Variants in LLGL2 observed in about 807,000 individuals in gnomAD.
The protein encoded by LLGL2 is LLGL2, scribble cell polarity complex component.
A neutral mutation model predicts 123.2 loss-of-function variants in LLGL2; 81 were observed. That is an observed-to-expected ratio of 0.66 (90% CI 0.55 to 0.79). The LOEUF (loss-of-function observed/expected upper bound fraction) is 0.79. LLGL2 is among the 30% of genes least tolerant of loss of function. LLGL2 has a pLI of 0.00. For missense variants in LLGL2, 1,273 were observed against 1,414.6 expected, an observed-to-expected ratio of 0.90 and a Z score of 1.61; for synonymous variants, 577 against 594.1, an observed-to-expected ratio of 0.97 and a Z score of 0.42.
upstream of LLGL2, among the ~76,000 whole-genome samples, chr17:75,525,510 C>G (rs1374864639): frequency 6.6e-6 from 1 of 151,468 alleles, no homozygotes; most frequent in South Asian, 2.1e-4. The surrounding 1 kb of genome is among the most constrained non-coding windows in gnomAD (Gnocchi z 4.8). Flanking sequence ...CCTGCGGAAC[C>G]CCGAGGCCGT....
intron 1 of LLGL2, among the ~76,000 whole-genome samples, chr17:75,536,722 C>T (rs1024459693): frequency 7.9e-5 from 12 of 152,194 alleles, no homozygotes; most frequent in South Asian, 6.2e-4. Context: ...ATAACCCTTC[C>T]GAGTACATTG....
At chr17:75,541,341 A>G (rs1204318698) in intron 1 of LLGL2, among the ~76,000 whole-genome samples, 1 of 152,210 alleles carries the variant, frequency 6.6e-6, no homozygotes. Flanking sequence ...TGAGCCCTCC[A>G]GGAGTCCAAC....
intron 1 of LLGL2, 23 bp from the exon 2 acceptor site, chr17:75,543,374 T>C: frequency 6.4e-7 from 1 of 1,551,004 alleles, no homozygotes; most frequent in Non-Finnish European, 8.8e-7. Context: ...GACAGACCCC[T>C]GCAGCTCCTT....
intron 1 of LLGL2, among the ~76,000 whole-genome samples, chr17:75,528,686 C>T (rs773470769): frequency 6.6e-6 from 1 of 151,464 alleles, no homozygotes; most frequent in Admixed American, 6.6e-5. Flanking sequence ...TGCGGTGAGC[C>T]AAGATCACGC....
intron 2 of LLGL2, among the ~76,000 whole-genome samples, chr17:75,550,795 A>AC (rs1009480052): frequency 2.0e-5 from 3 of 150,654 alleles, no homozygotes; most frequent in East Asian, 1.9e-4. Flanking sequence ...AAAAAAAAAA[A>AC]AAAAAAAAAC....
At chr17:75,571,128 C>G in intron 17 of LLGL2, 28 bp downstream of exon 17, 6 of 1,523,170 alleles carry the variant, frequency 3.9e-6, no homozygotes, top group East Asian at 2.3e-5. Context: ...GGTTGGGGGG[C>G]AGGGGGTAGT....
At chr17:75,560,826 AAAAAAACAAAG>A (rs1568056180) in intron 6 of LLGL2, among the ~76,000 whole-genome samples, 3 of 98,030 alleles carry the variant, frequency 3.1e-5, no homozygotes, top group South Asian at 2.5e-4. Context: ...AAAAAAAAAA[AAAAAAACAAAG>A]AAAAAACATT....
intron 10 of LLGL2, chr17:75,568,110 GGA>G: frequency 8.6e-7 from 1 of 1,164,036 alleles, no homozygotes; most frequent in Non-Finnish European, 1.1e-6. Context: ...CTGCCTGTGG[GGA>G]GAGGCTTGAC....
chr17:75,546,567 C>T (rs952603706), intron 2 of LLGL2, among the ~76,000 whole-genome samples: 1 of 55,464 alleles, frequency 1.8e-5, no homozygotes, highest in Non-Finnish European at 5.3e-5. Flanking sequence ...AGCAGACAGG[C>T]GGAGGGCAGG....
In LLGL2 at chr17:75,559,276, C is replaced by T; in HGVS notation, c.396C>T (p.Ile132=). ...GGGCTGCCCCCAGTGCCACACAGAT[C>T]ACCGTGGTCCTGCCACATTCCTCCT... ...PPGAAPSATQ[I]TVVLPHSSCE... The change falls in exon 6 of 26, where the codon ATC becomes ATT. Residue 132 remains isoleucine, a synonymous_variant. Coordinates refer to ENST00000392550, the MANE Select transcript of LLGL2 (RefSeq NM_001031803.2). The surrounding 1 kb of genome is among the most constrained non-coding windows in gnomAD (Gnocchi z 4.6). 7 of 1,610,686 alleles carry T rather than the reference C, an allele frequency of 4.3e-6. No homozygotes were observed. Among genetic ancestry groups the T allele is most frequent in the Non-Finnish European group, 5.9e-6 (7 of 1,178,754 alleles).
In LLGL2 at chr17:75,559,303, C is replaced by T. The variant is rs200779141; in HGVS notation, c.423C>T (p.Cys141=). 13 of 1,613,076 alleles carry T rather than the reference C, an allele frequency of 8.1e-6. No homozygotes were observed. Among genetic ancestry groups the T allele is most frequent in the African/African-American group, 2.7e-5 (2 of 74,898 alleles). Reference sequence around the variant, plus strand: ...CCGTGGTCCTGCCACATTCCTCCTGCGAGCTGCTCTACCTGGGCACCGAGA... The same window carrying T: ...CCGTGGTCCTGCCACATTCCTCCTGTGAGCTGCTCTACCTGGGCACCGAGA... ...QITVVLPHSS[C]ELLYLGTESG... The change falls in exon 6 of 26, where the codon TGC becomes TGT. Residue 141 remains cysteine (C), a synonymous_variant. Coordinates refer to ENST00000392550, the MANE Select transcript of LLGL2 (RefSeq NM_001031803.2). This position sits in a 1 kb window ranked among gnomAD's most constrained non-coding sequence, Gnocchi z 4.6.
intron 1 of LLGL2, among the ~76,000 whole-genome samples, chr17:75,541,365 T>G (rs2054198740): frequency 6.6e-6 from 1 of 152,218 alleles, no homozygotes; most frequent in South Asian, 2.1e-4. Context: ...TTTATGAGTG[T>G]GAGCTGCCCT....
At chr17:75,551,740 G>A (rs747636430) in intron 2 of LLGL2, among the ~76,000 whole-genome samples, 18 of 152,174 alleles carry the variant, frequency 1.2e-4, no homozygotes, top group Non-Finnish European at 7.3e-5. Flanking sequence ...CGGAATTGTC[G>A]AGGCCAATGG....
At chr17:75,548,311 C>G (rs1336681565) in intron 2 of LLGL2, among the ~76,000 whole-genome samples, 1 of 141,496 alleles carries the variant, frequency 7.1e-6, no homozygotes, top group African/African-American at 2.6e-5. Flanking sequence ...GAGTTTAGCT[C>G]TTGTTGCCCG....
chr17:75,569,050 T>G lies in LLGL2; in HGVS notation c.1395T>G (p.Thr465=). The G allele has an allele frequency of 1.2e-6, 2 of 1,612,800 alleles. No individual in the cohort carries two copies. Among genetic ancestry groups the G allele is most frequent in the Non-Finnish European group, 8.5e-7 (1 of 1,179,656 alleles). ...VCLRLLYKLS[T]VRVFLTDTDP... ...TGCGGCTGCTCTACAAACTCAGCACTGTGCGCGTGTTCCTCACCGACACGG... is the reference window on the plus strand; with the variant it reads ...TGCGGCTGCTCTACAAACTCAGCACGGTGCGCGTGTTCCTCACCGACACGG... Residue 465 remains threonine, a synonymous_variant, in exon 13 of 26, where the codon ACT becomes ACG. Coordinates refer to ENST00000392550, the MANE Select transcript of LLGL2 (RefSeq NM_001031803.2).
At chr17:75,542,935 C>G (rs1338851808) in intron 1 of LLGL2, 1 of 152,420 alleles carries the variant, frequency 6.6e-6, no homozygotes, top group Admixed American at 6.5e-5. Context: ...CACTGCAGGC[C>G]TCTCCCCTGC....
Position 75,558,409 on chromosome 17 carries a change from G to A in LLGL2, c.256-103G>A, listed in dbSNP as rs2055016407. The A allele has an allele frequency of 2.6e-6, 3 of 1,173,728 alleles. No homozygotes were observed. The African/African-American group carries it at 4.6e-5, about 18-fold the overall frequency. 72.7% of individuals were successfully genotyped at this position (1,173,728 alleles called of 1,614,324 possible). Reference sequence around the variant, plus strand: ...CTGGGGCTCATGGGCCACCCTGGGAGTGGCCAGGGGGTCTTTTAAACAACT... The same window carrying A: ...CTGGGGCTCATGGGCCACCCTGGGAATGGCCAGGGGGTCTTTTAAACAACT... On this transcript the variant is annotated intron_variant, in intron 4 of 25. Transcript: ENST00000392550. The surrounding 1 kb of genome is among the most constrained non-coding windows in gnomAD (Gnocchi z 4.0).
intron 2 of LLGL2, among the ~76,000 whole-genome samples, chr17:75,553,581 G>T (rs1022409421): frequency 6.6e-6 from 1 of 152,208 alleles, no homozygotes; most frequent in Non-Finnish European, 1.5e-5. Flanking sequence ...CTGCCTCATT[G>T]TTGGGACCTT....
Position 75,564,443 on chromosome 17 carries a change from G to A in LLGL2, c.972G>A (p.Thr324=), listed in dbSNP as rs149346135. 6.8e-6 allele frequency: 11 copies of A among 1,613,396 alleles called. No individual in the cohort carries two copies. Among genetic ancestry groups the A allele is most frequent in the African/African-American group, 1.3e-5 (1 of 74,936 alleles). Residue 324 remains threonine (T), a synonymous_variant, in exon 10 of 26, where the codon ACG becomes ACA. Transcript: ENST00000392550. This position sits in a 1 kb window ranked among gnomAD's most constrained non-coding sequence, Gnocchi z 4.9. ...CISVIHDGQQ[T]AFDFTSRVIG... The stretch of plus-strand genomic sequence containing the variant: ...CAGTGATCCACGATGGCCAGCAGAC[G>A]GCCTTCGACTTCACCTCCCGTGTCA...
Sources: gnomAD v4.1 joint callset for allele counts (sites outside exome capture counted in the v4.1 genomes callset) on GRCh38, gnomAD v4.1.1 for gene constraint, Gnocchi (gnomAD v3.1) non-coding constraint, MANE v1.5 for transcripts, NCBI Gene and HGNC (gene_info 2026-07-23, HGNC 2026-07-21) for gene names.